ZNF783: variants seen among roughly 807,000 people sequenced by gnomAD.
The protein encoded by ZNF783 is zinc finger protein 783, also known as protein ZNF783.
ZNF783 carries 25 observed loss-of-function variants against 31.3 expected under a neutral mutation model. The observed-to-expected ratio is 0.80, with a 90% confidence interval of 0.58 to 1.11. The LOEUF (loss-of-function observed/expected upper bound fraction) is 1.11, where lower values mean the gene tolerates loss of function less well. ZNF783 is among the 50% of genes most tolerant of loss of function. The pLI, the probability that ZNF783 is intolerant of heterozygous loss-of-function variation, is 0.00. For synonymous variants in ZNF783, 369 were observed against 319.1 expected (o/e 1.16, Z -1.66); for missense variants, 797 against 760.0 (o/e 1.05, Z -0.57).
intron 4 of ZNF783, 118 bp downstream of exon 4, chr7:149,267,340 C>T: frequency 7.2e-7 from 1 of 1,388,826 alleles, no homozygotes; most frequent in Admixed American, 2.8e-5. Context: ...GACCATTAAC[C>T]CAAAGTGGGA....
In ZNF783 at chr7:149,267,190, T is replaced by C; in HGVS notation, c.641T>C (p.Val214Ala). The change falls in exon 4 of 6, where the codon GTA (valine) becomes GCA (alanine). Residue 214 changes from valine (V) to alanine (A), a missense_variant. Physicochemically the swap from Val to Ala is moderately conservative, Grantham distance 64. Transcript: ENST00000434415. Reference sequence around the variant, plus strand: ...TGGGGCCAGGAGAAGGGGAATGAAGTAGAGGTGGGACGTCCAAGGATGATG... The same window carrying C: ...TGGGGCCAGGAGAAGGGGAATGAAGCAGAGGTGGGACGTCCAAGGATGATG... ...DRWGQEKGNEVEVGRPRMMGT... is the reference protein window; with the variant it reads ...DRWGQEKGNEAEVGRPRMMGT... 3 of 1,598,364 alleles carry C rather than the reference T, an allele frequency of 1.9e-6. No homozygotes were observed. Among genetic ancestry groups the C allele is most frequent in the Non-Finnish European group, 2.5e-6 (3 of 1,179,300 alleles).
intron 5 of ZNF783, among the ~76,000 whole-genome samples, chr7:149,279,963 C>T (rs1169643139): frequency 1.3e-5 from 2 of 152,170 alleles, no homozygotes; most frequent in East Asian, 1.9e-4. Context: ...CATCCCGGCC[C>T]GTTCTCAATG....
rs1797557801 is a variant in ZNF783, at chr7:149,284,533, G to A, written c.*2190G>A. 6.6e-6 allele frequency: 1 copy of A among 152,292 alleles called. No homozygotes were observed. The highest frequency in any genetic ancestry group is 2.4e-5 in the African/African-American group (1 of 41,454). 9.4% of individuals were successfully genotyped at this position (152,292 alleles called of 1,614,324 possible). ...AGAGCTCAGACAGGATGTGGTGCAA[G>A]TGCAGGTGCACGAGTTTAACCCTCA... On this transcript the variant is annotated 3_prime_UTR_variant, in exon 6 of 6. Transcript: ENST00000434415.
chr7:149,279,071 C>T (rs973968373), intron 5 of ZNF783, among the ~76,000 whole-genome samples: 2 of 152,198 alleles, frequency 1.3e-5, no homozygotes, highest in African/African-American at 4.8e-5. Context: ...CAGTCCAGAG[C>T]TCTGTTCTCT....
At position 149,282,344 on chromosome 7, in the gene ZNF783, C is replaced by G. The variant is rs1388238157; in HGVS notation, c.*1C>G. ...GCCCAGCCGGAAGGAGGAGGGCTGA[C>G]CTGGCAGGAGCCCACAGAGGACCCC... is the stretch of plus-strand genomic sequence containing the variant. On this transcript the variant is annotated 3_prime_UTR_variant, in exon 6 of 6. Transcript: ENST00000434415. 2.7e-6 allele frequency: 4 copies of G among 1,504,182 alleles called. No individual in the cohort carries two copies. Among genetic ancestry groups the G allele is most frequent in the Non-Finnish European group, 3.5e-6 (4 of 1,133,020 alleles). The allele number at this position is 1,504,182 out of a possible 1,614,324, so 93.2% of individuals were successfully genotyped here.
Position 149,266,825 on chromosome 7 carries a change from G to A in ZNF783, c.427G>A (p.Val143Met), listed in dbSNP as rs776758993. 20 of 1,613,902 alleles carry A rather than the reference G, an allele frequency of 1.2e-5. No individual in the cohort carries two copies. Among genetic ancestry groups the A allele is most frequent in the Admixed American group, 1.7e-5 (1 of 60,006 alleles). ...GSKGEAPKVP[V>M]TFDDVAVYFS... is the part of the protein sequence containing the mutation. ...GCGACACTTATGGTTCCAGGTGCCC[G>A]TGACCTTCGATGATGTGGCCGTGTA... Residue 143 changes from valine (V) to methionine (M), a missense_variant, in exon 3 of 6, where the codon GTG (valine) becomes ATG (methionine). Transcript: ENST00000434415.
intron 1 of ZNF783, among the ~76,000 whole-genome samples, chr7:149,265,902 G>A (rs933665485): frequency 1.3e-5 from 2 of 152,216 alleles, no homozygotes; most frequent in African/African-American, 4.8e-5. Context: ...CTTGTAAGTG[G>A]CAGAGCTGAG....
At position 149,266,600 on chromosome 7, in the gene ZNF783, C is replaced by A. The variant is rs1392063469; in HGVS notation, c.290C>A (p.Ala97Asp). Residue 97 changes from alanine to aspartate, a missense_variant, in exon 2 of 6, where the codon GCC (alanine) becomes GAC (aspartate). Coordinates refer to ENST00000434415, the MANE Select transcript of ZNF783 (RefSeq NM_001195220.2). ...GGGAACCAGCTGGAGGGCAAGTGGG[C>A]CGTGCTGGGGACCTTGCTGCAGGAG... ...EFGNQLEGKWAVLGTLLQEYG... is the reference protein window; with the variant it reads ...EFGNQLEGKWDVLGTLLQEYG... The A allele has an allele frequency of 8.7e-6, 14 of 1,614,152 alleles. No individual in the cohort carries two copies. The highest frequency in any genetic ancestry group is 1.2e-5 in the Non-Finnish European group (14 of 1,180,042).
At position 149,281,888 on chromosome 7, in the gene ZNF783, C is replaced by G. The variant is rs909167727; in HGVS notation, c.1186C>G (p.Pro396Ala). Residue 396 changes from proline (P) to alanine (A), a missense_variant, in exon 6 of 6, where the codon CCG becomes GCG. Transcript: ENST00000434415. ...CGGGGACAGCCAGGCCATGCTGGAGCCGGGGGAGGTGGTGGTACCCGGCCC... is the reference window on the plus strand; with the variant it reads ...CGGGGACAGCCAGGCCATGCTGGAGGCGGGGGAGGTGGTGGTACCCGGCCC... ...SCGDSQAMLE[P>A]GEVVVPGPVI... 1.3e-6 allele frequency: 2 copies of G among 1,510,712 alleles called. No homozygotes were observed. Among genetic ancestry groups the G allele is most frequent in the Non-Finnish European group, 1.8e-6 (2 of 1,135,864 alleles). 93.6% of individuals were successfully genotyped at this position (1,510,712 alleles called of 1,614,324 possible).
At position 149,281,600 on chromosome 7, in the gene ZNF783, A is replaced by T; in HGVS notation, c.898A>T (p.Arg300Ter). ...LGVSRGQTEC[R>*]IPRGPRNRPG... is the part of the protein sequence containing the mutation. ...GGTGTCCCGAGGCCAGACCGAGTGTAGAATCCCCCGAGGGCCCAGGAACAG... is the reference window on the plus strand; with the variant it reads ...GGTGTCCCGAGGCCAGACCGAGTGTTGAATCCCCCGAGGGCCCAGGAACAG... Residue 300 changes from arginine (R) to a stop codon, truncating the protein, a stop_gained, in exon 6 of 6, where the codon AGA (arginine) becomes TGA (stop). Coordinates refer to ENST00000434415, the MANE Select transcript of ZNF783 (RefSeq NM_001195220.2). LOFTEE classifies it low-confidence loss of function (END_TRUNC). The T allele has an allele frequency of 6.5e-7, 1 of 1,541,078 alleles. No individual in the cohort carries two copies. Among genetic ancestry groups the T allele is most frequent in the Non-Finnish European group, 8.7e-7 (1 of 1,156,000 alleles).
intron 5 of ZNF783, among the ~76,000 whole-genome samples, chr7:149,279,585 C>G (rs73479992): frequency 1.3e-5 from 2 of 150,596 alleles, no homozygotes; most frequent in African/African-American, 4.9e-5. Flanking sequence ...AGGCCCTCGC[C>G]GAGTCTTTCT....
Position 149,281,855 on chromosome 7 carries a change from A to T in ZNF783, c.1153A>T (p.Thr385Ser). 3 of 1,498,230 alleles carry T rather than the reference A, an allele frequency of 2.0e-6. No individual in the cohort carries two copies. Among genetic ancestry groups the T allele is most frequent in the Non-Finnish European group, 2.6e-6 (3 of 1,133,178 alleles). The allele number at this position is 1,498,230 out of a possible 1,614,324, so 92.8% of individuals were successfully genotyped here. ...GRQEAPGRSP[T>S]SCGDSQAMLE... ...GCAGGAGGCCCCCGGCCGCTCGCCC[A>T]CCAGCTGCGGGGACAGCCAGGCCAT... Residue 385 changes from threonine to serine, a missense_variant, in exon 6 of 6, where the codon ACC becomes TCC. Physicochemically the swap from Thr to Ser is moderately conservative, Grantham distance 58 (BLOSUM62 1). Transcript: ENST00000434415.
intron 1 of ZNF783, among the ~76,000 whole-genome samples, chr7:149,264,935 CCTGGAAGTAGGGGAGAAGG>C (rs1259607649): frequency 8.1e-5 from 10 of 124,106 alleles, no homozygotes; most frequent in Non-Finnish European, 3.3e-5. Context: ...CGGGGAGAAG[CCTGGAAGTAGGGGAGAAGG>C]CTGGAAGTGG....
rs1244240307 is a variant in ZNF783, at chr7:149,281,863, C to CG, written c.1165dup (p.Asp389GlyfsTer26). 1 of 1,499,688 alleles carries CG rather than the reference C, an allele frequency of 6.7e-7. No homozygotes were observed. The highest frequency in any genetic ancestry group is 8.8e-7 in the Non-Finnish European group (1 of 1,133,256). The allele number at this position is 1,499,688 out of a possible 1,614,324, so 92.9% of individuals were successfully genotyped here. A position where few individuals can be genotyped will look rare whatever the true frequency, so the allele number is the denominator to read the frequency against. On this transcript the variant is annotated frameshift_variant, in exon 6 of 6. Coordinates refer to ENST00000434415, the MANE Select transcript of ZNF783 (RefSeq NM_001195220.2). LOFTEE classifies it low-confidence loss of function (END_TRUNC). ...CCCCCGGCCGCTCGCCCACCAGCTG[C>CG]GGGGACAGCCAGGCCATGCTGGAGC... is the stretch of plus-strand genomic sequence containing the variant.
At position 149,266,413 on chromosome 7, in the gene ZNF783, T is replaced by C; in HGVS notation, c.103T>C (p.Tyr35His). The change falls in exon 2 of 6, where the codon TAC (tyrosine) becomes CAC (histidine). Residue 35 changes from tyrosine to histidine, a missense_variant. Tyr to His is a moderately conservative substitution (Grantham distance 83). Coordinates refer to ENST00000434415, the MANE Select transcript of ZNF783 (RefSeq NM_001195220.2). ...CCAGCCAGCTGCTGAGAAGAACTCG[T>C]ACCTCTACTCCACGGAAATCACACT... ...LPQPAAEKNS[Y>H]LYSTEITLWT... 1 of 1,601,800 alleles carries C rather than the reference T, an allele frequency of 6.2e-7. No homozygotes were observed. The highest frequency in any genetic ancestry group is 8.5e-7 in the Non-Finnish European group (1 of 1,179,798).
intron 4 of ZNF783, among the ~76,000 whole-genome samples, chr7:149,272,163 G>A (rs867258196): frequency 1.3e-5 from 2 of 152,104 alleles, no homozygotes; most frequent in Non-Finnish European, 2.9e-5. Flanking sequence ...GACCACAGGT[G>A]TGCGCCACCA....
intron 4 of ZNF783, chr7:149,277,811 C>T (rs962427458): frequency 2.6e-5 from 4 of 151,688 alleles, no homozygotes; most frequent in African/African-American, 4.9e-5. Flanking sequence ...GTGCTCATTT[C>T]GGGGCTTTAC....
At position 149,281,654 on chromosome 7, in the gene ZNF783, C is replaced by T. The variant is rs1168815508; in HGVS notation, c.952C>T (p.Gln318Ter). Residue 318 changes from glutamine (Q) to a stop codon, truncating the protein, a stop_gained, in exon 6 of 6, where the codon CAG becomes TAG. Transcript: ENST00000434415. LOFTEE classifies it low-confidence loss of function (END_TRUNC). ...RPGGPSRHQAQGMPRVRAGEP... is the reference protein window; with the variant it reads ...RPGGPSRHQA ...TGGGGGCCCCAGCCGTCATCAGGCC[C>T]AGGGCATGCCCAGGGTGCGGGCAGG... The T allele has an allele frequency of 2.6e-6, 4 of 1,532,392 alleles. No homozygotes were observed. Among genetic ancestry groups the T allele is most frequent in the African/African-American group, 2.8e-5 (2 of 71,144 alleles). The allele number at this position is 1,532,392 out of a possible 1,614,324, so 94.9% of individuals were successfully genotyped here.
At chr7:149,271,990 A>G (rs955047073) in intron 4 of ZNF783, among the ~76,000 whole-genome samples, 2 of 152,134 alleles carry the variant, frequency 1.3e-5, no homozygotes, top group African/African-American at 4.8e-5. Context: ...AAATCAGTTC[A>G]TGTTTTTGCC....
Sources: gnomAD v4.1 joint callset for allele counts (sites outside exome capture counted in the v4.1 genomes callset) on GRCh38, gnomAD v4.1.1 for gene constraint, MANE v1.5 for transcripts, NCBI Gene and HGNC (gene_info 2026-07-23, HGNC 2026-07-21) for gene names.